Variants in ASXL2 observed in about 807,000 individuals in gnomAD.
ASXL2 encodes ASXL transcriptional regulator 2.
In ASXL2, 23 loss-of-function variants were observed where a neutral mutation model predicts 122.0. The ratio of observed to expected loss-of-function variants is 0.19; its 90% CI spans 0.14 to 0.27. The LOEUF (loss-of-function observed/expected upper bound fraction) is 0.27. Ranked by LOEUF, ASXL2 falls within the 10% of genes least tolerant of loss-of-function variation. The probability of loss-of-function intolerance (pLI) is 1.00; values close to 1 mark genes in which losing one functional copy is unlikely to be tolerated. For missense variants in ASXL2, 1,518 were observed against 1,713.8 expected (o/e 0.89, Z 2.02); for synonymous variants, 650 against 637.0 (o/e 1.02, Z -0.31).
chr2:25,744,181 C>T lies in ASXL2; in HGVS notation c.2156G>A (p.Arg719Lys). ...TARGGSPGSDRVSETGKGPTL... is the reference protein window; with the variant it reads ...TARGGSPGSDKVSETGKGPTL... ...GGGGCCCTTTCCAGTTTCACTGACT[C>T]TGTCTGAGCCTGGACTGCCTCCTCT... The change falls in exon 13 of 13, where the codon AGA becomes AAA. Residue 719 changes from arginine to lysine, a missense_variant. By Grantham distance (26) the Arg-to-Lys change is conservative. Coordinates refer to ENST00000435504, the MANE Select transcript of ASXL2 (RefSeq NM_018263.6). This position sits in a 1 kb window ranked among gnomAD's most constrained non-coding sequence, Gnocchi z 4.7. 1 of 1,614,016 alleles carries T rather than the reference C, an allele frequency of 6.2e-7. No homozygotes were observed.
rs956085857 is a variant in ASXL2, at chr2:25,741,740, A to G, written c.*289T>C. On this transcript the variant is annotated 3_prime_UTR_variant, in exon 13 of 13. Transcript: ENST00000435504. ...ATTCAAAGTAATACATTATTACCTA[A>G]ACACTTGGAAAAATAATGTTAAACA... is the stretch of plus-strand genomic sequence containing the variant. 2.9e-5 allele frequency: 11 copies of G among 379,534 alleles called. No individual in the cohort carries two copies. The highest frequency in any genetic ancestry group is 2.2e-4 in the African/African-American group (11 of 50,806). The allele number at this position is 379,534 out of a possible 1,614,324, so 23.5% of individuals were successfully genotyped here. A position where few individuals can be genotyped will look rare whatever the true frequency, so the allele number is the denominator to read the frequency against.
At chr2:25,821,380 G>GA (rs1302113406) in intron 3 of ASXL2, among the ~76,000 whole-genome samples, 1 of 151,000 alleles carries the variant, frequency 6.6e-6, no homozygotes, top group African/African-American at 2.4e-5. Context: ...AGGGGAAAGG[G>GA]AAAGGAAAGG....
intron 8 of ASXL2, among the ~76,000 whole-genome samples, chr2:25,762,811 G>C (rs545739974): frequency 1.3e-5 from 2 of 151,944 alleles, no homozygotes; most frequent in Non-Finnish European, 2.9e-5. Context: ...GCCTGTCATT[G>C]GGTTGAAACC....
In ASXL2 at chr2:25,739,770, T is replaced by C. The variant is rs2087796520; in HGVS notation, c.*2259A>G. The C allele has an allele frequency of 4.6e-6, 1 of 219,226 alleles. No individual in the cohort carries two copies. Among genetic ancestry groups the C allele is most frequent in the Non-Finnish European group, 9.1e-6 (1 of 109,378 alleles). 13.6% of individuals were successfully genotyped at this position (219,226 alleles called of 1,614,324 possible). A position where few individuals can be genotyped will look rare whatever the true frequency, so the allele number is the denominator to read the frequency against. On this transcript the variant is annotated 3_prime_UTR_variant, in exon 13 of 13. Coordinates refer to ENST00000435504, the MANE Select transcript of ASXL2 (RefSeq NM_018263.6). ...GTTAAGGGTAGCACAGAGGAAAACC[T>C]TTCTGACAGGAAAAAGGTAAAGCAG...
intron 5 of ASXL2, among the ~76,000 whole-genome samples, chr2:25,775,474 C>T (rs1466614569): frequency 6.6e-6 from 1 of 152,132 alleles, no homozygotes; most frequent in African/African-American, 2.4e-5. Context: ...GCGGAGTGAC[C>T]TGTAATCACC....
intron 1 of ASXL2, among the ~76,000 whole-genome samples, chr2:25,863,265 G>A (rs909144666): frequency 2.6e-5 from 4 of 151,668 alleles, no homozygotes; most frequent in South Asian, 2.1e-4. Context: ...AGGAGGCAGA[G>A]GTTGTAGTGA....
At position 25,759,568 on chromosome 2, in the gene ASXL2, C is replaced by A. The variant is rs2149146528; in HGVS notation, c.853G>T (p.Ala285Ser). ...GAAAATGTGTGCTTGTTGATCAGTG[C>A]TCGCAGATTTGTATTAACCAGAATG... ...DSILVNTNLRALINKHTFSVL... is the reference protein window; with the variant it reads ...DSILVNTNLRSLINKHTFSVL... Residue 285 changes from alanine to serine, a missense_variant, in exon 9 of 13, where the codon GCA (alanine) becomes TCA (serine). Ala to Ser is a moderately conservative substitution (Grantham distance 99). Coordinates refer to ENST00000435504, the MANE Select transcript of ASXL2 (RefSeq NM_018263.6). The A allele has an allele frequency of 6.2e-7, 1 of 1,613,976 alleles. No homozygotes were observed. Among genetic ancestry groups the A allele is most frequent in the Non-Finnish European group, 8.5e-7 (1 of 1,179,854 alleles).
At chr2:25,796,458 T>G (rs2088912206) in intron 5 of ASXL2, among the ~76,000 whole-genome samples, 1 of 152,216 alleles carries the variant, frequency 6.6e-6, no homozygotes, top group Admixed American at 6.5e-5. Context: ...AGATTTGCCC[T>G]CTTTGAATAG....
intron 1 of ASXL2, among the ~76,000 whole-genome samples, chr2:25,862,211 C>A (rs904468614): frequency 6.6e-6 from 1 of 152,052 alleles, no homozygotes; most frequent in Non-Finnish European, 1.5e-5. Flanking sequence ...ATGTCTAGGA[C>A]ATCAATAAGG....
chr2:25,832,832 G>A (rs547530442), intron 3 of ASXL2, among the ~76,000 whole-genome samples: 22 of 152,296 alleles, frequency 1.4e-4, no homozygotes, highest in African/African-American at 3.9e-4. Flanking sequence ...GCACGTCCAT[G>A]TCAAAGAATA....
In ASXL2 at chr2:25,744,523, TG is replaced by T; in HGVS notation, c.1861-48del. ...AAAACAACAGAGCTTAGTTTTCATT[TG>T]TAAGAATAACAAAACTTCATTAGCC... On this transcript the variant is annotated intron_variant, in intron 12 of 12. Coordinates refer to ENST00000435504, the MANE Select transcript of ASXL2 (RefSeq NM_018263.6). This position sits in a 1 kb window ranked among gnomAD's most constrained non-coding sequence, Gnocchi z 4.7. 6.5e-7 allele frequency: 1 copy of T among 1,536,922 alleles called. No homozygotes were observed. The highest frequency in any genetic ancestry group is 8.7e-7 in the Non-Finnish European group (1 of 1,151,130).
At chr2:25,857,764 C>T (rs1338166069) in intron 1 of ASXL2, among the ~76,000 whole-genome samples, 2 of 152,238 alleles carry the variant, frequency 1.3e-5, no homozygotes, top group Admixed American at 6.5e-5. Flanking sequence ...GCACTTACCA[C>T]TAACATACTA....
At chr2:25,806,095 TAG>T in intron 4 of ASXL2, 132 bp downstream of exon 4, 2 of 577,258 alleles carry the variant, frequency 3.5e-6, no homozygotes, top group Non-Finnish European at 6.2e-6. Flanking sequence ...ATGTATTGGG[TAG>T]AGGTTTCAAA....
chr2:25,779,113 G>A (rs1285892232), intron 5 of ASXL2, among the ~76,000 whole-genome samples: 7 of 113,562 alleles, frequency 6.2e-5, no homozygotes, highest in African/African-American at 2.5e-4. Context: ...TTTTTGAGAT[G>A]GAGTCTCCTC....
intron 1 of ASXL2, among the ~76,000 whole-genome samples, chr2:25,849,623 T>A (rs1349818317): frequency 6.6e-6 from 1 of 152,068 alleles, no homozygotes; most frequent in African/African-American, 2.4e-5. Flanking sequence ...TATAGGCATA[T>A]GCCACCACAC....
chr2:25,769,629 A>G (rs2088411793), intron 6 of ASXL2, among the ~76,000 whole-genome samples: 2 of 152,080 alleles, frequency 1.3e-5, no homozygotes, highest in Non-Finnish European at 2.9e-5. Flanking sequence ...AATCACAAAA[A>G]CATTATGAAG....
At chr2:25,791,100 A>G (rs996058909) in intron 5 of ASXL2, among the ~76,000 whole-genome samples, 1 of 152,008 alleles carries the variant, frequency 6.6e-6, no homozygotes, top group Admixed American at 6.5e-5. Flanking sequence ...CCCAGCCTAT[A>G]AACAGTCTTG....
At chr2:25,797,736 T>C (rs1453524225) in intron 5 of ASXL2, among the ~76,000 whole-genome samples, 2 of 152,196 alleles carry the variant, frequency 1.3e-5, no homozygotes, top group Non-Finnish European at 2.9e-5. Flanking sequence ...CCACACTAAA[T>C]GCTGACGAGG....
chr2:25,853,442 G>A (rs1324243971), intron 1 of ASXL2, among the ~76,000 whole-genome samples: 8 of 152,106 alleles, frequency 5.3e-5, no homozygotes, highest in Non-Finnish European at 8.8e-5. Context: ...GACTCTTGTG[G>A]TTCACTCTAC....
Sources: allele counts gnomAD v4.1 joint callset (sites outside exome capture counted in the v4.1 genomes callset), GRCh38; gene constraint gnomAD v4.1.1; non-coding constraint Gnocchi (gnomAD v3.1); transcripts MANE v1.5; gene names NCBI Gene and HGNC (gene_info 2026-07-23, HGNC 2026-07-21).